TMEM117: variants seen among roughly 807,000 people sequenced by gnomAD.
The protein encoded by TMEM117 is transmembrane protein 117.
TMEM117 carries 27 observed loss-of-function variants against 52.4 expected under a neutral mutation model. The observed-to-expected ratio is 0.51, with a 90% CI of 0.38 to 0.71. The LOEUF (loss-of-function observed/expected upper bound fraction) is 0.71, where lower values mean the gene tolerates loss of function less well. Among genes scored for constraint, TMEM117 ranks in the 30% least tolerant of loss-of-function variants. The pLI, the probability that TMEM117 is intolerant of heterozygous loss-of-function variation, is 0.00. For missense variants in TMEM117, 556 were observed against 630.5 expected (o/e 0.88, Z 1.26); for synonymous variants, 215 against 206.3 (o/e 1.04, Z -0.36).
intron 5 of TMEM117, among the ~76,000 whole-genome samples, chr12:44,273,872 T>A (rs1228993460): frequency 2.0e-5 from 3 of 152,136 alleles, no homozygotes; most frequent in Non-Finnish European, 2.9e-5. Context: ...TCATACTGAA[T>A]GGGAAAAAAC....
chr12:43,874,547 C>T (rs541442308), intron 2 of TMEM117, among the ~76,000 whole-genome samples: 48 of 152,212 alleles, frequency 3.2e-4, no homozygotes, highest in African/African-American at 9.1e-4. Flanking sequence ...GCCGAGATTG[C>T]GCCACTGCAC....
chr12:44,187,709 A>C (rs1306245288), intron 4 of TMEM117, among the ~76,000 whole-genome samples: 1 of 152,276 alleles, frequency 6.6e-6, no homozygotes, highest in South Asian at 2.1e-4. Context: ...TGTTTCAGTC[A>C]TCTCCTGAAA....
At chr12:44,383,146 G>T (rs532314156) in intron 7 of TMEM117, among the ~76,000 whole-genome samples, 2 of 152,096 alleles carry the variant, frequency 1.3e-5, no homozygotes, top group East Asian at 3.9e-4. Context: ...CCAAGTAATC[G>T]CACCCATGTG....
chr12:44,133,810 A>T (rs1039288038), intron 3 of TMEM117, among the ~76,000 whole-genome samples: 3 of 152,116 alleles, frequency 2.0e-5, no homozygotes, highest in African/African-American at 7.2e-5. Flanking sequence ...CCTTTCTCTG[A>T]TATGCCACTT....
At chr12:43,808,961 C>T in the TMEM117 span, among the ~76,000 whole-genome samples, 46 of 150,624 alleles carry the variant, frequency 3.1e-4, no homozygotes, top group Admixed American at 1.3e-3. Flanking sequence ...ATCTCTATTT[C>T]AATTATGTAG....
the TMEM117 span, among the ~76,000 whole-genome samples, chr12:43,796,532 C>T: frequency 6.6e-6 from 1 of 152,044 alleles, no homozygotes; most frequent in Non-Finnish European, 1.5e-5. Flanking sequence ...CCCAACCATC[C>T]CATAATTCAG....
intron 6 of TMEM117, among the ~76,000 whole-genome samples, chr12:44,312,598 G>T (rs1951004652): frequency 6.6e-6 from 1 of 152,000 alleles, no homozygotes; most frequent in Non-Finnish European, 1.5e-5. Flanking sequence ...TTTTGGTGAT[G>T]GAATGATTTA....
chr12:43,967,076 G>A (rs1400121765), intron 3 of TMEM117, among the ~76,000 whole-genome samples: 2 of 151,730 alleles, frequency 1.3e-5, no homozygotes, highest in East Asian at 3.9e-4. Flanking sequence ...GAACCCAGTG[G>A]ATCCTGCTTC....
At chr12:44,367,676 C>A (rs1951807626) in intron 6 of TMEM117, among the ~76,000 whole-genome samples, 1 of 152,058 alleles carries the variant, frequency 6.6e-6, no homozygotes, top group Non-Finnish European at 1.5e-5. Flanking sequence ...CAAAGATTCC[C>A]AACTGCCTAC....
At chr12:43,928,873 C>G (rs1381721890) in intron 2 of TMEM117, among the ~76,000 whole-genome samples, 1 of 151,636 alleles carries the variant, frequency 6.6e-6, no homozygotes, top group Non-Finnish European at 1.5e-5. Context: ...CGATAGTTTA[C>G]TGAGAATAAT....
At chr12:44,231,552 C>T (rs1269930868) in intron 5 of TMEM117, among the ~76,000 whole-genome samples, 2 of 151,764 alleles carry the variant, frequency 1.3e-5, no homozygotes, top group African/African-American at 4.8e-5. Flanking sequence ...ATAATCTCTA[C>T]AGCTTTCTGG....
the TMEM117 span, among the ~76,000 whole-genome samples, chr12:43,827,564 A>T: frequency 6.6e-6 from 1 of 152,200 alleles, no homozygotes; most frequent in Non-Finnish European, 1.5e-5. Flanking sequence ...ATTTACAAAA[A>T]CACATTATCT....
chr12:44,389,760 T>C (rs1452502677), downstream of TMEM117: 1 of 152,236 alleles, frequency 6.6e-6, no homozygotes, highest in Non-Finnish European at 1.5e-5. Flanking sequence ...TATACAGCAG[T>C]GATTATGTGA....
intron 4 of TMEM117, among the ~76,000 whole-genome samples, chr12:44,206,815 T>TGGGGAGGGTGA (rs906812625): frequency 6.6e-6 from 1 of 151,946 alleles, no homozygotes; most frequent in Non-Finnish European, 1.5e-5. Flanking sequence ...CCTACTTGAG[T>TGGGGAGGGTGA]GGGGAGGGTG....
At chr12:44,032,897 A>C (rs1946655110) in intron 3 of TMEM117, among the ~76,000 whole-genome samples, 1 of 152,146 alleles carries the variant, frequency 6.6e-6, no homozygotes, top group Non-Finnish European at 1.5e-5. Context: ...CTCTTATAAA[A>C]GGGTGGGGAG....
intron 5 of TMEM117, among the ~76,000 whole-genome samples, chr12:44,265,403 A>T (rs1950365862): frequency 6.6e-6 from 1 of 152,136 alleles, no homozygotes; most frequent in Non-Finnish European, 1.5e-5. Flanking sequence ...GTTTAAGTTT[A>T]AAAGGTCATT....
At chr12:43,797,242 A>G in the TMEM117 span, 2 of 1,507,410 alleles carry the variant, frequency 1.3e-6, no homozygotes, top group Non-Finnish European at 1.8e-6. Flanking sequence ...GTAAGAATAT[A>G]GGGCTGATAC....
chr12:43,953,434 CAAAAT>C (rs993750437), intron 3 of TMEM117, among the ~76,000 whole-genome samples: 2 of 151,992 alleles, frequency 1.3e-5, no homozygotes, highest in Non-Finnish European at 2.9e-5. Context: ...CACATAGACT[CAAAAT>C]AAGGGGATGG....
intron 5 of TMEM117, among the ~76,000 whole-genome samples, chr12:44,267,083 G>C (rs920405429): frequency 6.6e-6 from 1 of 152,014 alleles, no homozygotes; most frequent in Admixed American, 6.6e-5. Context: ...GGATTATATT[G>C]AATATGTATA....
Sources: allele counts gnomAD v4.1 joint callset (sites outside exome capture counted in the v4.1 genomes callset), GRCh38; gene constraint gnomAD v4.1.1; transcripts MANE v1.5; gene names NCBI Gene and HGNC (gene_info 2026-07-23, HGNC 2026-07-21).